The following ISL1 variants were observed in gnomAD, a reference collection of about 807,000 sequenced individuals.
The protein encoded by ISL1 is ISL LIM homeobox 1.
In ISL1, 4 loss-of-function variants were observed where a neutral mutation model predicts 35.3. That is an observed-to-expected ratio of 0.11 (90% confidence interval 0.06 to 0.26). The LOEUF is 0.26. Ranked by LOEUF, ISL1 falls within the 10% of genes least tolerant of loss-of-function variation. The probability of loss-of-function intolerance (pLI) is 1.00; values close to 1 mark genes in which losing one functional copy is unlikely to be tolerated. For missense variants in ISL1, 340 were observed against 472.8 expected (o/e 0.72, Z 2.60); for synonymous variants, 186 against 172.3 (o/e 1.08, Z -0.62).
At chr5:51,386,158 A>G (rs1046656082) in intron 2 of ISL1, 4 of 152,950 alleles carry the variant, frequency 2.6e-5, no homozygotes, top group African/African-American at 9.6e-5. Flanking sequence ...TTTTGAGTCC[A>G]CCTTCTAACC....
In ISL1 at chr5:51,386,758, C is replaced by T. The variant is rs567937368; in HGVS notation, c.219-732C>T. 114 of 368,956 alleles carry T rather than the reference C, an allele frequency of 3.1e-4. 1 individual carries two copies. Among genetic ancestry groups the T allele is most frequent in the African/African-American group, 2.1e-3 (98 of 46,518 alleles). The allele number at this position is 368,956 out of a possible 1,614,324, so 22.9% of individuals were successfully genotyped here. ...ACTTGAAAAAGATTGAGGGAACAGA[C>T]GCAGATTTTTTTAAAAAAATAATAA... is the stretch of plus-strand genomic sequence containing the variant. On this transcript the variant is annotated intron_variant, in intron 2 of 5. Coordinates refer to ENST00000230658, the MANE Select transcript of ISL1 (RefSeq NM_002202.3).
At chr5:51,386,674 A>G (rs1484180531) in intron 2 of ISL1, 2 of 452,664 alleles carry the variant, frequency 4.4e-6, no homozygotes, top group Non-Finnish European at 8.8e-6. Flanking sequence ...GGGTCTTTGC[A>G]TTTTTTTCAT....
Position 51,391,288 on chromosome 5 carries a change from G to A in ISL1, c.780G>A (p.Met260Ile). Reference protein sequence around the residue: ...QPNDKTNIQGMTGTPMVAASP... With the variant: ...QPNDKTNIQGITGTPMVAASP... ...CCTATTCACAGAATATCCAGGGGAT[G>A]ACAGGAACTCCCATGGTGGCTGCCA... The change falls in exon 5 of 6, where the codon ATG becomes ATA. Residue 260 changes from methionine (M) to isoleucine (I), a missense_variant. Coordinates refer to ENST00000230658, the MANE Select transcript of ISL1 (RefSeq NM_002202.3). 6.2e-7 allele frequency: 1 copy of A among 1,612,670 alleles called. No individual in the cohort carries two copies. Among genetic ancestry groups the A allele is most frequent in the Non-Finnish European group, 8.5e-7 (1 of 1,179,910 alleles).
In ISL1 at chr5:51,389,634, C is replaced by A; in HGVS notation, c.479-12C>A. The A allele has an allele frequency of 6.2e-7, 1 of 1,603,998 alleles. No individual in the cohort carries two copies. Among genetic ancestry groups the A allele is most frequent in the South Asian group, 1.1e-5 (1 of 90,714 alleles). Reference sequence around the variant, plus strand: ...CTCCAGCCCAGCGCTCACGGCGCTCCTTGCCCCGCAGCGGAGCCCATCTCC... The same window carrying A: ...CTCCAGCCCAGCGCTCACGGCGCTCATTGCCCCGCAGCGGAGCCCATCTCC... On this transcript the variant is annotated splice_polypyrimidine_tract_variant and intron_variant, in intron 3 of 5. Transcript: ENST00000230658. The surrounding 1 kb of genome is among the most constrained non-coding windows in gnomAD (Gnocchi z 5.0).
intron 4 of ISL1, among the ~76,000 whole-genome samples, chr5:51,390,649 T>TTTC (rs1561208324): frequency 9.8e-6 from 1 of 101,946 alleles, no homozygotes; most frequent in Admixed American, 1.0e-4. Flanking sequence ...TTTCTTTTTT[T>TTTC]TTTTTTTTTT....
rs1747443775 is a variant in ISL1, at chr5:51,389,794, C to G, written c.627C>G (p.Leu209=). ...CYAANPRPDA[L]MKEQLVEMTG... ...CCGCAAACCCGCGGCCAGATGCGCT[C>G]ATGAAGGAGCAACTGGTAGAGATGA... Residue 209 remains leucine, a synonymous_variant, in exon 4 of 6, where the codon CTC becomes CTG. Coordinates refer to ENST00000230658, the MANE Select transcript of ISL1 (RefSeq NM_002202.3). The surrounding 1 kb of genome is among the most constrained non-coding windows in gnomAD (Gnocchi z 5.0). The G allele has an allele frequency of 1.2e-5, 19 of 1,614,194 alleles. No individual in the cohort carries two copies. The highest frequency in any genetic ancestry group is 1.4e-5 in the Non-Finnish European group (17 of 1,180,036).
intron 1 of ISL1, among the ~76,000 whole-genome samples, chr5:51,383,911 C>T (rs533234810): frequency 4.6e-5 from 7 of 152,248 alleles, no homozygotes; most frequent in Admixed American, 4.6e-4. Context: ...TGTGAATTCG[C>T]CTGTGTGCCC....
At chr5:51,384,513 G>C (rs1747297387) in intron 1 of ISL1, 28 bp from the exon 2 acceptor site, 2 of 1,606,096 alleles carry the variant, frequency 1.2e-6, no homozygotes, top group Non-Finnish European at 1.7e-6. Context: ...TAAACGGTTA[G>C]TCAATCATGT....
rs1256823612 is a variant in ISL1, at chr5:51,390,666, T to C, written c.766-608T>C. Reference sequence around the variant, plus strand: ...TCTTTTTTTTTTTTTTTTTTTTTTTTTTTTTTTTTTTTTTACTGCTTTGGA... The same window carrying C: ...TCTTTTTTTTTTTTTTTTTTTTTTTCTTTTTTTTTTTTTTACTGCTTTGGA... On this transcript the variant is annotated intron_variant, in intron 4 of 5. Transcript: ENST00000230658. 2.2e-4 allele frequency among the ~76,000 whole-genome samples: 29 copies of C among 132,378 alleles called. 2 individuals carry two copies. The highest frequency in any genetic ancestry group is 6.5e-4 in the African/African-American group (24 of 37,172). The allele number at this position is 132,378 out of a possible 152,430, so 86.8% of individuals were successfully genotyped here.
intron 4 of ISL1, among the ~76,000 whole-genome samples, chr5:51,390,652 T>C (rs35113708): frequency 0.02 from 1,893 of 94,688 alleles, 97 homozygotes; most frequent in African/African-American, 0.024. Context: ...CTTTTTTTTT[T>C]TTTTTTTTTT....
intron 4 of ISL1, 35 bp from the exon 5 acceptor site, chr5:51,391,239 A>C (rs200363919): frequency 2.9e-5 from 47 of 1,609,172 alleles, no homozygotes; most frequent in South Asian, 1.7e-4. Context: ...TTTGCTCATT[A>C]ACATGTTGGG....
intron 1 of ISL1, 152 bp from the exon 2 acceptor site, chr5:51,384,389 A>C (rs1747289328): frequency 6.1e-6 from 4 of 655,070 alleles, no homozygotes; most frequent in African/African-American, 3.7e-5. Context: ...TTACCATCCC[A>C]AAGTGCAATG....
intron 4 of ISL1, among the ~76,000 whole-genome samples, 155 bp downstream of exon 4, chr5:51,390,087 C>A (rs769044113): frequency 5.9e-5 from 9 of 152,082 alleles, no homozygotes; most frequent in Non-Finnish European, 1.2e-4. Flanking sequence ...CCTACCCATG[C>A]CCCGGGGGAC....
In ISL1 at chr5:51,393,786, GA is replaced by G. The variant is rs1747572666; in HGVS notation, c.*178del. 6.2e-6 allele frequency: 4 copies of G among 643,910 alleles called. No individual in the cohort carries two copies. The highest frequency in any genetic ancestry group is 2.3e-5 in the Admixed American group (1 of 43,022). 39.9% of individuals were successfully genotyped at this position (643,910 alleles called of 1,614,324 possible). On this transcript the variant is annotated 3_prime_UTR_variant, in exon 6 of 6. Transcript: ENST00000230658. ...CAAGGTGATATGGTAGCAACACTGTGAAGACAATCATGGGATTTTACTAGAA... is the reference window on the plus strand; with the variant it reads ...CAAGGTGATATGGTAGCAACACTGTGAGACAATCATGGGATTTTACTAGAA...
rs1747449089 is a variant in ISL1, at chr5:51,389,972, A to G, written c.765+40A>G. On this transcript the variant is annotated intron_variant, in intron 4 of 5. Transcript: ENST00000230658. This position sits in a 1 kb window ranked among gnomAD's most constrained non-coding sequence, Gnocchi z 5.0. ...GGCCGGGCAGGGAATGCGAGGGGGA[A>G]GGAGACGCAGCGTGCGAGGTGCGTT... 1 of 1,604,744 alleles carries G rather than the reference A, an allele frequency of 6.2e-7. No individual in the cohort carries two copies. Among genetic ancestry groups the G allele is most frequent in the African/African-American group, 1.3e-5 (1 of 74,764 alleles).
chr5:51,387,683 A>C lies in ISL1; in HGVS notation c.412A>C (p.Arg138=). 1 of 1,614,182 alleles carries C rather than the reference A, an allele frequency of 6.2e-7. No homozygotes were observed. Among genetic ancestry groups the C allele is most frequent in the South Asian group, 1.1e-5 (1 of 91,090 alleles). Residue 138 remains arginine, a synonymous_variant, in exon 3 of 6, where the codon AGG becomes CGG. Transcript: ENST00000230658. This position sits in a 1 kb window ranked among gnomAD's most constrained non-coding sequence, Gnocchi z 4.3. ...CCGAGCAGACCACGATGTGGTGGAG[A>C]GGGCCAGTCTAGGCGCTGGCGACCC... ...FCRADHDVVE[R]ASLGAGDPLS... is the part of the protein sequence containing the mutation.
intron 2 of ISL1, chr5:51,386,442 C>G: frequency 2.5e-6 from 1 of 393,462 alleles, no homozygotes; most frequent in South Asian, 1.9e-5. Context: ...GCAGAACAGA[C>G]TGGACAGTTA....
rs1231127610 is a variant in ISL1 at position 51,394,663 on chromosome 5, G to A, written c.*1053G>A. 1 of 152,418 alleles carries A rather than the reference G, an allele frequency of 6.6e-6. No individual in the cohort carries two copies. The highest frequency in any genetic ancestry group is 1.5e-5 in the Non-Finnish European group (1 of 68,008). The allele number at this position is 152,418 out of a possible 1,614,324, so 9.4% of individuals were successfully genotyped here. A position where few individuals can be genotyped will look rare whatever the true frequency, so the allele number is the denominator to read the frequency against. ...CTTAAATATTATGTGAAATCAAAGC[G>A]CCATATGTAGAATTATATCTTCAGG... On this transcript the variant is annotated 3_prime_UTR_variant, in exon 6 of 6. Coordinates refer to ENST00000230658, the MANE Select transcript of ISL1 (RefSeq NM_002202.3).
chr5:51,386,502 G>A (rs1747346231), intron 2 of ISL1: 9 of 447,476 alleles, frequency 2.0e-5, no homozygotes, highest in Non-Finnish European at 4.0e-5. Context: ...CCTGTTATGT[G>A]GATCTTTTCC....
Sources: allele counts gnomAD v4.1 joint callset (sites outside exome capture counted in the v4.1 genomes callset), GRCh38; gene constraint gnomAD v4.1.1; non-coding constraint Gnocchi (gnomAD v3.1); transcripts MANE v1.5; gene names NCBI Gene and HGNC (gene_info 2026-07-23, HGNC 2026-07-21).